Variants in SLC4A4 observed in about 807,000 individuals in gnomAD.
SLC4A4 encodes solute carrier family 4 member 4.
A neutral mutation model predicts 111.5 loss-of-function variants in SLC4A4; 27 were observed. The ratio of observed to expected loss-of-function variants is 0.24; its 90% CI spans 0.18 to 0.33. The LOEUF (loss-of-function observed/expected upper bound fraction) is 0.33, where lower values mean the gene tolerates loss of function less well. Among genes scored for constraint, SLC4A4 ranks in the 10% least tolerant of loss-of-function variants. The pLI is 1.00. For synonymous variants in SLC4A4, 443 were observed against 463.4 expected (o/e 0.96, Z 0.57); for missense variants, 909 against 1,315.5 (o/e 0.69, Z 4.78).
chr4:71,080,364 C>A (rs1560707868), intron 1 of SLC4A4, among the ~76,000 whole-genome samples: 1 of 152,014 alleles, frequency 6.6e-6, no homozygotes, highest in Non-Finnish European at 1.5e-5. Flanking sequence ...ACCCCTTAAG[C>A]CAGAGGCAGA....
At chr4:71,311,890 T>TGTGAGAGAGAGA (rs1553888177) in intron 3 of SLC4A4, among the ~76,000 whole-genome samples, 23 of 76,610 alleles carry the variant, frequency 3.0e-4, no homozygotes, top group African/African-American at 9.4e-5. Context: ...TGCAAGGCTG[T>TGTGAGAGAGAGA]GAGAGAGAGA....
At chr4:71,228,255 A>G (rs549909586) in intron 1 of SLC4A4, among the ~76,000 whole-genome samples, 3 of 152,290 alleles carry the variant, frequency 2.0e-5, no homozygotes, top group South Asian at 4.2e-4. Context: ...CAATCTGAAG[A>G]CAGAGTTTAG....
At chr4:71,518,546 C>T (rs1359120524) in intron 16 of SLC4A4, among the ~76,000 whole-genome samples, 1 of 152,040 alleles carries the variant, frequency 6.6e-6, no homozygotes, top group Non-Finnish European at 1.5e-5. Context: ...AGCCTGAGGC[C>T]ACAGGGGCTG....
chr4:71,303,704 C>A (rs2602059), intron 3 of SLC4A4, among the ~76,000 whole-genome samples: 4,978 of 152,204 alleles, frequency 0.033, 292 homozygotes, highest in African/African-American at 0.11. Context: ...AGCATCCCAG[C>A]TAGGTGTTTT....
chr4:71,258,538 C>A (rs1172775280), intron 3 of SLC4A4, among the ~76,000 whole-genome samples: 1 of 152,210 alleles, frequency 6.6e-6, no homozygotes. Flanking sequence ...TGGCGCCGCA[C>A]AATGCCTGGC....
intron 6 of SLC4A4, among the ~76,000 whole-genome samples, chr4:71,384,642 CAAAA>C (rs773419796): frequency 9.8e-5 from 6 of 61,442 alleles, no homozygotes; most frequent in Admixed American, 3.8e-4. Context: ...TCCCTCCCAC[CAAAA>C]AAAAAAAAAA....
At chr4:71,194,878 G>A (rs761599856) in intron 1 of SLC4A4, among the ~76,000 whole-genome samples, 1 of 152,178 alleles carries the variant, frequency 6.6e-6, no homozygotes, top group Non-Finnish European at 1.5e-5. Context: ...TAAATAAGGT[G>A]TTTCACAGAT....
At chr4:71,225,178 C>T (rs976528269) in intron 1 of SLC4A4, among the ~76,000 whole-genome samples, 2 of 152,134 alleles carry the variant, frequency 1.3e-5, no homozygotes, top group East Asian at 3.9e-4. Context: ...ATGGTGAAAC[C>T]CCATCTCTAC....
intron 12 of SLC4A4, among the ~76,000 whole-genome samples, chr4:71,463,307 A>G (rs1487379216): frequency 6.6e-6 from 1 of 152,190 alleles, no homozygotes; most frequent in African/African-American, 2.4e-5. Context: ...TTTTTGTATG[A>G]GTGAACACTG....
intron 1 of SLC4A4, among the ~76,000 whole-genome samples, chr4:71,089,350 C>T (rs1483441689): frequency 1.5e-4 from 23 of 151,942 alleles, no homozygotes; most frequent in Admixed American, 1.4e-3. Flanking sequence ...GAACTTCCTC[C>T]TTTAGCTTGG....
intron 6 of SLC4A4, among the ~76,000 whole-genome samples, chr4:71,359,841 C>T (rs901031094): frequency 6.6e-6 from 1 of 152,128 alleles, no homozygotes; most frequent in African/African-American, 2.4e-5. Context: ...ATACCTTTGT[C>T]TTTAATCATA....
intron 6 of SLC4A4, among the ~76,000 whole-genome samples, chr4:71,362,083 C>T (rs1196527025): frequency 1.3e-5 from 2 of 152,150 alleles, no homozygotes; most frequent in Non-Finnish European, 1.5e-5. Context: ...TGAGTATTCA[C>T]CTTTTTCTAC....
chr4:71,426,065 A>G (rs983040443), intron 7 of SLC4A4, among the ~76,000 whole-genome samples: 1 of 152,098 alleles, frequency 6.6e-6, no homozygotes, highest in Non-Finnish European at 1.5e-5. Context: ...AGTTTCTTTC[A>G]GGGCCTTCTA....
intron 15 of SLC4A4, among the ~76,000 whole-genome samples, chr4:71,487,377 C>T (rs1009121384): frequency 4.0e-5 from 6 of 151,622 alleles, no homozygotes; most frequent in African/African-American, 9.7e-5. Flanking sequence ...CTCTGTTTCT[C>T]GTATGGTTAA....
At chr4:71,234,970 A>C (rs1322288049) in intron 1 of SLC4A4, among the ~76,000 whole-genome samples, 1 of 151,926 alleles carries the variant, frequency 6.6e-6, no homozygotes, top group Non-Finnish European at 1.5e-5. Flanking sequence ...AAAGGAAGGA[A>C]GCAGAAAGGA....
At chr4:71,492,150 T>C (rs1452107552) in intron 15 of SLC4A4, among the ~76,000 whole-genome samples, 1 of 151,652 alleles carries the variant, frequency 6.6e-6, no homozygotes, top group African/African-American at 2.4e-5. Context: ...TTAAATCTCC[T>C]TGAAGATTAC....
chr4:71,201,626 A>G (rs1269410158), intron 1 of SLC4A4, among the ~76,000 whole-genome samples: 2 of 152,208 alleles, frequency 1.3e-5, no homozygotes, highest in African/African-American at 4.8e-5. Context: ...CATAGTCAGT[A>G]TGGTTTAGGT....
At chr4:71,420,245 GATGAAATGA>G (rs1234677241) in intron 7 of SLC4A4, among the ~76,000 whole-genome samples, 3 of 152,208 alleles carry the variant, frequency 2.0e-5, no homozygotes, top group African/African-American at 7.2e-5. Flanking sequence ...AGTGATGGAA[GATGAAATGA>G]ATGAAATGAA....
At chr4:71,533,306 A>G (rs182319780) in intron 17 of SLC4A4, among the ~76,000 whole-genome samples, 1 of 152,246 alleles carries the variant, frequency 6.6e-6, no homozygotes, top group East Asian at 1.9e-4. Flanking sequence ...ATTGATGAGT[A>G]AGACAAATTT....
Sources: allele counts gnomAD v4.1 joint callset (sites outside exome capture counted in the v4.1 genomes callset), GRCh38; gene constraint gnomAD v4.1.1; transcripts MANE v1.5; gene names NCBI Gene and HGNC (gene_info 2026-07-23, HGNC 2026-07-21).